The following TBC1D4 variants were observed in gnomAD, a reference collection of about 807,000 sequenced individuals.
TBC1D4 encodes TBC (Tre-2, BUB2, CDC16) domain-containing protein.
Under a neutral mutation model 142.5 loss-of-function variants are expected in TBC1D4, and 121 were observed. That is an observed-to-expected ratio of 0.85 (90% CI 0.73 to 0.99). TBC1D4 has a LOEUF of 0.99. Among genes scored for constraint, TBC1D4 ranks in the 50% least tolerant of loss-of-function variants. TBC1D4 has a pLI of 0.00. For synonymous variants in TBC1D4, 630 were observed against 628.2 expected (o/e 1.00, Z -0.04); for missense variants, 1,475 against 1,606.6 (o/e 0.92, Z 1.40).
chr13:75,481,195 T>TGCCCCCCCCC, intron 1 of TBC1D4, 75 bp downstream of exon 1: 3 of 1,292,706 alleles, frequency 2.3e-6, no homozygotes, highest in African/African-American at 1.5e-5. Context: ...TAAAGTGGGG[T>TGCCCCCCCCC]CCCCGCCCCT....
intron 1 of TBC1D4, among the ~76,000 whole-genome samples, chr13:75,365,109 A>T (rs1251444108): frequency 6.6e-6 from 1 of 152,230 alleles, no homozygotes; most frequent in African/African-American, 2.4e-5. Flanking sequence ...AAAACTCAAC[A>T]CCTAAATGTA....
At chr13:75,330,187 T>C (rs907952580) in intron 8 of TBC1D4, among the ~76,000 whole-genome samples, 2 of 152,230 alleles carry the variant, frequency 1.3e-5, no homozygotes, top group East Asian at 3.8e-4. Context: ...CTCCATTTTC[T>C]GAAAGGCCTT....
At chr13:75,381,572 C>T (rs1423415406) in intron 1 of TBC1D4, among the ~76,000 whole-genome samples, 2 of 152,198 alleles carry the variant, frequency 1.3e-5, no homozygotes, top group Admixed American at 6.5e-5. Flanking sequence ...AGCACTTCAC[C>T]TTGAAATGAA....
chr13:75,425,631 C>T (rs1886345396), intron 1 of TBC1D4, among the ~76,000 whole-genome samples: 1 of 152,182 alleles, frequency 6.6e-6, no homozygotes, highest in African/African-American at 2.4e-5. Flanking sequence ...GAATGCTATT[C>T]AGCCTGGGAA....
intron 1 of TBC1D4, among the ~76,000 whole-genome samples, chr13:75,391,015 G>A (rs1884451434): frequency 6.8e-6 from 1 of 146,860 alleles, no homozygotes; most frequent in South Asian, 2.2e-4. Flanking sequence ...CACTAGCTAA[G>A]GCCACTTATT....
Position 75,283,861 on chromosome 13 carries a change from G to A in TBC1D4, c.*2931C>T, listed in dbSNP as rs552260642. The stretch of plus-strand genomic sequence containing the variant: ...TTATTTGTGTAGCAATTTTAAGTAG[G>A]TACAATCCAAACCATGCAGATCTTT... On this transcript the variant is annotated 3_prime_UTR_variant, in exon 21 of 21. Coordinates refer to ENST00000377636, the MANE Select transcript of TBC1D4 (RefSeq NM_014832.5). Among the ~76,000 whole-genome samples, 5 of 152,186 alleles carry A rather than the reference G, an allele frequency of 3.3e-5. No homozygotes were observed. The South Asian group carries it at 1.0e-3, about 32-fold the overall frequency.
intron 1 of TBC1D4, among the ~76,000 whole-genome samples, chr13:75,462,027 C>T (rs927517605): frequency 6.6e-6 from 1 of 152,156 alleles, no homozygotes; most frequent in African/African-American, 2.4e-5. Flanking sequence ...CCAATATTTG[C>T]TAATGGTCAC....
At chr13:75,292,763 G>A (rs1478407819) in intron 18 of TBC1D4, among the ~76,000 whole-genome samples, 1 of 150,206 alleles carries the variant, frequency 6.7e-6, no homozygotes, top group Non-Finnish European at 1.5e-5. Flanking sequence ...TAAAACAAAT[G>A]AAAAACATAC....
At chr13:75,332,346 C>T (rs1879819307) in intron 8 of TBC1D4, among the ~76,000 whole-genome samples, 2 of 152,194 alleles carry the variant, frequency 1.3e-5, no homozygotes, top group African/African-American at 4.8e-5. Flanking sequence ...AAAACTATGG[C>T]TTAGAAAAGG....
At position 75,388,225 on chromosome 13, in the gene TBC1D4, T is replaced by C. The variant is rs540440180; in HGVS notation, c.499-25618A>G. ...CCAGGATAATCTCTGCATCTCGAGG[T>C]CCTTAACTTTAATCACATCTGCAAA... On this transcript the variant is annotated intron_variant, in intron 1 of 20. Transcript: ENST00000377636. 5.9e-5 allele frequency among the ~76,000 whole-genome samples: 9 copies of C among 152,296 alleles called. No homozygotes were observed. The South Asian group carries it at 1.9e-3, about 32-fold the overall frequency.
intron 1 of TBC1D4, among the ~76,000 whole-genome samples, chr13:75,367,174 C>A (rs1472505689): frequency 6.6e-6 from 1 of 152,160 alleles, no homozygotes; most frequent in East Asian, 1.9e-4. Context: ...GACTAAAGAG[C>A]AAAGCTTTAG....
rs1210455285 is a variant in TBC1D4 at position 75,393,940 on chromosome 13, AC to A, written c.499-31334del. ...AAAACTCTGTCTCAAAAAAAAAAAA[AC>A]AAAAAAACAAAACTAAACTCTTTCT... On this transcript the variant is annotated intron_variant, in intron 1 of 20. Transcript: ENST00000377636. Among the ~76,000 whole-genome samples, 377 of 151,666 alleles carry A rather than the reference AC, an allele frequency of 2.5e-3. 2 individuals carry two copies. Among genetic ancestry groups the A allele is most frequent in the African/African-American group, 8.4e-3 (346 of 41,300 alleles).
chr13:75,294,868 A>G lies in TBC1D4; in HGVS notation c.3302T>C (p.Val1101Ala). 1.9e-6 allele frequency: 3 copies of G among 1,613,916 alleles called. No homozygotes were observed. The highest frequency in any genetic ancestry group is 2.5e-6 in the Non-Finnish European group (3 of 1,179,836). The change falls in exon 18 of 21, where the codon GTA (valine) becomes GCA (alanine). Residue 1101 changes from valine to alanine, a missense_variant. By Grantham distance (64) the Val-to-Ala change is moderately conservative. Coordinates refer to ENST00000377636, the MANE Select transcript of TBC1D4 (RefSeq NM_014832.5). ...LFASQFSLGF[V>A]ARVFDIIFLQ... ...GTATCTCTTACCAAAAACTCTGGCT[A>G]CAAATCCTAATGAAAACTGAGAGGC...
intron 4 of TBC1D4, among the ~76,000 whole-genome samples, chr13:75,353,093 A>G (rs770541645): frequency 6.6e-6 from 1 of 152,160 alleles, no homozygotes. Context: ...CAAACCTCGG[A>G]TTCTGACACA....
chr13:75,410,244 C>G (rs1040346179), intron 1 of TBC1D4, among the ~76,000 whole-genome samples: 2 of 152,296 alleles, frequency 1.3e-5, no homozygotes, highest in African/African-American at 4.8e-5. Flanking sequence ...CCTTTTCATT[C>G]CAAAGGTTCC....
intron 1 of TBC1D4, among the ~76,000 whole-genome samples, chr13:75,447,822 T>C (rs944405624): frequency 6.6e-6 from 1 of 152,112 alleles, no homozygotes; most frequent in African/African-American, 2.4e-5. Flanking sequence ...GTGACGGATC[T>C]AAGTTGCAGG....
At chr13:75,375,324 C>T (rs1883437294) in intron 1 of TBC1D4, among the ~76,000 whole-genome samples, 2 of 152,170 alleles carry the variant, frequency 1.3e-5, no homozygotes, top group African/African-American at 4.8e-5. Context: ...GGGGCCACTC[C>T]CAGGGTCCTT....
chr13:75,460,363 G>T (rs1420646275), intron 1 of TBC1D4, among the ~76,000 whole-genome samples: 1 of 152,124 alleles, frequency 6.6e-6, no homozygotes, highest in Non-Finnish European at 1.5e-5. Context: ...GATGGGGATT[G>T]ATATCAAGAA....
chr13:75,412,379 C>T (rs568712552), intron 1 of TBC1D4, among the ~76,000 whole-genome samples: 2 of 152,266 alleles, frequency 1.3e-5, no homozygotes, highest in Admixed American at 6.5e-5. Context: ...ACCTCTTGGG[C>T]TCCAGTGATC....
Sources: gnomAD v4.1 joint callset for allele counts (sites outside exome capture counted in the v4.1 genomes callset) on GRCh38, gnomAD v4.1.1 for gene constraint, MANE v1.5 for transcripts, NCBI Gene and HGNC (gene_info 2026-07-23, HGNC 2026-07-21) for gene names.